DGKQ: variants seen among roughly 807,000 people sequenced by gnomAD.
The protein encoded by DGKQ is diacylglycerol kinase theta, also known as DAG kinase theta.
Under a neutral mutation model 104.2 loss-of-function variants are expected in DGKQ, and 97 were observed. The observed-to-expected ratio is 0.93, with a 90% confidence interval of 0.79 to 1.10. DGKQ has a LOEUF of 1.10. Among genes scored for constraint, DGKQ ranks in the 50% least tolerant of loss-of-function variants. The pLI, the probability that DGKQ is intolerant of heterozygous loss-of-function variation, is 0.00. For missense variants in DGKQ, 1,465 were observed against 1,352.1 expected, an observed-to-expected ratio of 1.08 and a Z score of -1.31; for synonymous variants, 736 against 595.2, an observed-to-expected ratio of 1.24 and a Z score of -3.44.
rs557694520 is a variant in DGKQ at position 959,338 on chromosome 4, G to C, written c.*1282C>G. ...TCCGCAGGATTGGAGGCCCAGGCCA[G>C]CTGTGCCCCACAAGGGAAGGGGGAG... On this transcript the variant is annotated 3_prime_UTR_variant, in exon 23 of 23. Coordinates refer to ENST00000273814, the MANE Select transcript of DGKQ (RefSeq NM_001347.4). 1 of 152,600 alleles carries C rather than the reference G, an allele frequency of 6.6e-6. No homozygotes were observed. Among genetic ancestry groups the C allele is most frequent in the East Asian group, 1.9e-4 (1 of 5,182 alleles). 9.5% of individuals were successfully genotyped at this position (152,600 alleles called of 1,614,324 possible).
At position 967,778 on chromosome 4, in the gene DGKQ, C is replaced by T. The variant is rs1712532517; in HGVS notation, c.836G>A (p.Gly279Glu). 1.9e-6 allele frequency: 3 copies of T among 1,604,496 alleles called. No homozygotes were observed. Among genetic ancestry groups the T allele is most frequent in the Non-Finnish European group, 1.7e-6 (2 of 1,176,190 alleles). ...EPGEGGDGAD[G>E]SAAVGPGRET... ...TCTGCCTGGACCCACGGCAGCGCTCCCGTCGGCGCCGTCGCCCCCCTCGCC... is the reference window on the plus strand; with the variant it reads ...TCTGCCTGGACCCACGGCAGCGCTCTCGTCGGCGCCGTCGCCCCCCTCGCC... The change falls in exon 7 of 23, where the codon GGG becomes GAG. Residue 279 changes from glycine (G) to glutamate (E), a missense_variant. By Grantham distance (98) the Gly-to-Glu change is moderately conservative. Transcript: ENST00000273814.
chr4:961,235 G>C, intron 21 of DGKQ, 34 bp from the exon 22 acceptor site: 1 of 1,497,822 alleles, frequency 6.7e-7, no homozygotes, highest in Non-Finnish European at 8.9e-7. Context: ...GCTCAGCGGG[G>C]ATCAGGGACG....
In DGKQ at chr4:967,114, C is replaced by A; in HGVS notation, c.1220+15G>T. 1 of 1,563,862 alleles carries A rather than the reference C, an allele frequency of 6.4e-7. No individual in the cohort carries two copies. The highest frequency in any genetic ancestry group is 8.7e-7 in the Non-Finnish European group (1 of 1,152,272). ...ACCCCGCCCAGCAGACCCTGAGCCT[C>A]GGGCCCAGTCTCACTTGAGCCAGCC... On this transcript the variant is annotated intron_variant, in intron 9 of 22. Transcript: ENST00000273814.
At chr4:966,624 G>A (rs1395136327) in intron 11 of DGKQ, 97 bp from the exon 12 acceptor site, 1 of 1,508,202 alleles carries the variant, frequency 6.6e-7, no homozygotes, top group East Asian at 2.4e-5. Context: ...ATGCAGGGTG[G>A]AGCTGGTCAG....
Position 966,204 on chromosome 4 carries a change from G to A in DGKQ, c.1429-126C>T, listed in dbSNP as rs916705071. The A allele has an allele frequency of 2.1e-5, 23 of 1,078,954 alleles. No individual in the cohort carries two copies. The Middle Eastern group carries it at 6.1e-4, about 29-fold the overall frequency. 66.8% of individuals were successfully genotyped at this position (1,078,954 alleles called of 1,614,324 possible). A position where few individuals can be genotyped will look rare whatever the true frequency, so the allele number is the denominator to read the frequency against. The stretch of plus-strand genomic sequence containing the variant: ...AACACTCCCAGGAATTAAGTCAACA[G>A]GAAAACGAGGAAAGGGGCCACAGAG... On this transcript the variant is annotated intron_variant, in intron 12 of 22. Transcript: ENST00000273814.
At position 973,387 on chromosome 4, in the gene DGKQ, T is replaced by G; in HGVS notation, c.96A>C (p.Gly32=). ...GCCCCGGCCCCGGGCGCGCGCGGCC[T>G]CCTGAGCCCAGCACGGGGCTGCAGG... ...SPACSPVLGS[G]GRARPGPGPG... Residue 32 remains glycine, a synonymous_variant, in exon 1 of 23, where the codon GGA becomes GGC. Transcript: ENST00000273814. 9.1e-7 allele frequency: 1 copy of G among 1,093,500 alleles called. No homozygotes were observed. The highest frequency in any genetic ancestry group is 1.1e-6 in the Non-Finnish European group (1 of 903,594). The allele number at this position is 1,093,500 out of a possible 1,614,324, so 67.7% of individuals were successfully genotyped here. A position where few individuals can be genotyped will look rare whatever the true frequency, so the allele number is the denominator to read the frequency against.
chr4:972,652 C>CGGGGCCCGCCTGCTT (rs1553913209), intron 1 of DGKQ, among the ~76,000 whole-genome samples: 1 of 152,170 alleles, frequency 6.6e-6, no homozygotes, highest in African/African-American at 2.4e-5. Context: ...CTGTAGTCCC[C>CGGGGCCCGCCTGCTT]GGGGCCCGCC....
intron 2 of DGKQ, 110 bp downstream of exon 2, chr4:970,883 A>G: frequency 1.3e-6 from 1 of 772,988 alleles, no homozygotes; most frequent in Non-Finnish European, 2.1e-6. Context: ...TTTGCCTTTC[A>G]ACTGCAGGTA....
rs1466948623 is a variant in DGKQ, at chr4:959,900, T to A, written c.*720A>T. On this transcript the variant is annotated 3_prime_UTR_variant, in exon 23 of 23. Coordinates refer to ENST00000273814, the MANE Select transcript of DGKQ (RefSeq NM_001347.4). ...TCCTAGCCTCCACGTGGACAGAGGT[T>A]CTCCTCCCCAAGCAGAGGCACTAGG... 2 of 151,870 alleles carry A rather than the reference T, an allele frequency of 1.3e-5. No homozygotes were observed. Among genetic ancestry groups the A allele is most frequent in the African/African-American group, 4.8e-5 (2 of 41,312 alleles). 9.4% of individuals were successfully genotyped at this position (151,870 alleles called of 1,614,324 possible). A position where few individuals can be genotyped will look rare whatever the true frequency, so the allele number is the denominator to read the frequency against.
Position 959,818 on chromosome 4 carries a change from G to C in DGKQ, c.*802C>G, listed in dbSNP as rs1711740866. On this transcript the variant is annotated 3_prime_UTR_variant, in exon 23 of 23. Transcript: ENST00000273814. The stretch of plus-strand genomic sequence containing the variant: ...TAAGTGCCCCACCCTGAGGGCCGAG[G>C]GGCAGACACTCGGGCCCGGCCCACA... 1 of 152,122 alleles carries C rather than the reference G, an allele frequency of 6.6e-6. No individual in the cohort carries two copies. The highest frequency in any genetic ancestry group is 1.5e-5 in the Non-Finnish European group (1 of 68,048). 9.4% of individuals were successfully genotyped at this position (152,122 alleles called of 1,614,324 possible).
At position 968,800 on chromosome 4, in the gene DGKQ, G is replaced by T; in HGVS notation, c.451+11C>A. 6.2e-7 allele frequency: 1 copy of T among 1,604,132 alleles called. No homozygotes were observed. The highest frequency in any genetic ancestry group is 1.1e-5 in the South Asian group (1 of 90,090). ...GGACACTGGGTGGGGAGCCAGGCAGGCTCCAGGTACCTTCGCAGTGGAGCG... is the reference window on the plus strand; with the variant it reads ...GGACACTGGGTGGGGAGCCAGGCAGTCTCCAGGTACCTTCGCAGTGGAGCG... On this transcript the variant is annotated intron_variant, in intron 3 of 22. Coordinates refer to ENST00000273814, the MANE Select transcript of DGKQ (RefSeq NM_001347.4).
Position 965,476 on chromosome 4 carries a change from C to A in DGKQ, c.1618+15G>T. 6.2e-7 allele frequency: 1 copy of A among 1,609,904 alleles called. No homozygotes were observed. The highest frequency in any genetic ancestry group is 1.1e-5 in the South Asian group (1 of 90,252). On this transcript the variant is annotated intron_variant, in intron 14 of 22. Coordinates refer to ENST00000273814, the MANE Select transcript of DGKQ (RefSeq NM_001347.4). ...CCCTGGGCCTCATGTGACCACGTCC[C>A]TCAGGGCAGCTCACCTTGGGAGGAG...
chr4:968,448 C>T, intron 4 of DGKQ, 31 bp downstream of exon 4: 2 of 1,593,742 alleles, frequency 1.3e-6, no homozygotes, highest in Non-Finnish European at 1.7e-6. Context: ...CCGCCCCACC[C>T]CCCAGGGCTC....
At chr4:970,529 T>C (rs1334993134) in intron 2 of DGKQ, among the ~76,000 whole-genome samples, 3 of 152,178 alleles carry the variant, frequency 2.0e-5, no homozygotes, top group Admixed American at 2.0e-4. Context: ...TTATTCAAGC[T>C]TCCTTGAGAT....
In DGKQ at chr4:958,955, T is replaced by C. The variant is rs1711652176; in HGVS notation, c.*1665A>G. 1 of 168,690 alleles carries C rather than the reference T, an allele frequency of 5.9e-6. No individual in the cohort carries two copies. Among genetic ancestry groups the C allele is most frequent in the Non-Finnish European group, 1.3e-5 (1 of 79,402 alleles). 10.4% of individuals were successfully genotyped at this position (168,690 alleles called of 1,614,324 possible). On this transcript the variant is annotated 3_prime_UTR_variant, in exon 23 of 23. Transcript: ENST00000273814. ...ACTGTTGCATTCAGGCAGCGATAAA[T>C]ACAGAGGGGCCCGGTGTGCAGGGCA...
At chr4:962,306 C>T (rs531350232) in intron 18 of DGKQ, 129 bp downstream of exon 18, 84 of 1,061,020 alleles carry the variant, frequency 7.9e-5, no homozygotes, top group African/African-American at 1.7e-4. Flanking sequence ...CTCAACTGCC[C>T]GCTTTGCAGA....
In DGKQ at chr4:971,006, G is replaced by A; in HGVS notation, c.338C>T (p.Pro113Leu). 1 of 1,552,316 alleles carries A rather than the reference G, an allele frequency of 6.4e-7. No homozygotes were observed. The highest frequency in any genetic ancestry group is 2.4e-5 in the East Asian group (1 of 41,340). The change falls in exon 2 of 23, where the codon CCC becomes CTC. Residue 113 changes from proline (P) to leucine (L), a missense_variant. Pro to Leu is a moderately conservative substitution (Grantham distance 98). Coordinates refer to ENST00000273814, the MANE Select transcript of DGKQ (RefSeq NM_001347.4). The surrounding 1 kb of genome is among the most constrained non-coding windows in gnomAD (Gnocchi z 4.0). ...HVRIPCTSVAPSLVRVPVAHC... is the reference protein window; with the variant it reads ...HVRIPCTSVALSLVRVPVAHC... The stretch of plus-strand genomic sequence containing the variant: ...CCCCACACTCACCCGGACCAGGCTG[G>A]GTGCCACACTCGTGCACGGGATCCT...
At chr4:970,658 C>A (rs978565462) in intron 2 of DGKQ, among the ~76,000 whole-genome samples, 55 of 152,182 alleles carry the variant, frequency 3.6e-4, no homozygotes, top group African/African-American at 1.3e-3. Flanking sequence ...AATCTCCATC[C>A]CCCCCAGGAG....
In DGKQ at chr4:966,786, C is replaced by A; in HGVS notation, c.1328G>T (p.Ser443Ile). The A allele has an allele frequency of 6.2e-7, 1 of 1,609,808 alleles. No individual in the cohort carries two copies. The highest frequency in any genetic ancestry group is 8.5e-7 in the Non-Finnish European group (1 of 1,178,702). ...LLGRQAESPE[S>I]FQLVEVAMGC... ...CATCGCCACCTCCACCAGCTGGAAG[C>A]TCTCGGGACTCTCGGCCTGTTGGGG... The change falls in exon 11 of 23, where the codon AGC becomes ATC. Residue 443 changes from serine (S) to isoleucine (I), a missense_variant. Physicochemically the swap from Ser to Ile is moderately radical, Grantham distance 142 (BLOSUM62 -2). Coordinates refer to ENST00000273814, the MANE Select transcript of DGKQ (RefSeq NM_001347.4).
Sources: allele counts gnomAD v4.1 joint callset (sites outside exome capture counted in the v4.1 genomes callset), GRCh38; gene constraint gnomAD v4.1.1; non-coding constraint Gnocchi (gnomAD v3.1); transcripts MANE v1.5; gene names NCBI Gene and HGNC (gene_info 2026-07-23, HGNC 2026-07-21).